Variants in SEC31A observed in about 807,000 individuals in gnomAD.
The protein encoded by SEC31A is SEC31 homolog A, COPII component.
SEC31A carries 70 observed loss-of-function variants against 151.0 expected under a neutral mutation model. The observed-to-expected ratio is 0.46, with a 90% confidence interval of 0.38 to 0.57. The LOEUF is 0.57. SEC31A is among the 20% of genes least tolerant of loss of function. The pLI is 0.00. For synonymous variants in SEC31A, 475 were observed against 505.9 expected (o/e 0.94, Z 0.82); for missense variants, 1,330 against 1,471.2 (o/e 0.90, Z 1.57).
Position 82,819,235 on chromosome 4 carries a change from T to G in SEC31A, c.3502A>C (p.Ser1168Arg). Residue 1168 changes from serine to arginine, a missense_variant, in exon 27 of 27, where the codon AGT becomes CGT. Transcript: ENST00000395310. ...REQTLSPTIT[S>R]GLHNIARSIE... is the part of the protein sequence containing the mutation. Reference sequence around the variant, plus strand: ...CTCCTTGCAATGTTGTGTAAACCACTGGTGATTGTTGGTGAAAGCTGAAAC... The same window carrying G: ...CTCCTTGCAATGTTGTGTAAACCACGGGTGATTGTTGGTGAAAGCTGAAAC... 8 of 1,577,232 alleles carry G rather than the reference T, an allele frequency of 5.1e-6. No individual in the cohort carries two copies. The highest frequency in any genetic ancestry group is 6.0e-6 in the Non-Finnish European group (7 of 1,163,528).
At chr4:82,845,428 G>A in intron 20 of SEC31A, 1 of 456,124 alleles carries the variant, frequency 2.2e-6, no homozygotes, top group Non-Finnish European at 3.8e-6. Context: ...ACATTAGTCA[G>A]GCAACTGCTT....
At chr4:82,892,700 G>A (rs1216678162), upstream of SEC31A, among the ~76,000 whole-genome samples, 1 of 151,976 alleles carries the variant, frequency 6.6e-6, no homozygotes, top group African/African-American at 2.4e-5. Context: ...GCAAAGTAAT[G>A]TAACTGGCGA....
At position 82,849,071 on chromosome 4, in the gene SEC31A, T is replaced by TC. The variant is rs1578217801; in HGVS notation, c.2329-95dup. Reference sequence around the variant, plus strand: ...CTTAATCAGATTATTCATCAAGATATCCCTTTTTGTTCATAATGCTGGGTA... The same window carrying TC: ...CTTAATCAGATTATTCATCAAGATATCCCCTTTTTGTTCATAATGCTGGGTA... On this transcript the variant is annotated intron_variant, in intron 19 of 26. Coordinates refer to ENST00000395310, the MANE Select transcript of SEC31A (RefSeq NM_001077207.4). The TC allele has an allele frequency of 3.5e-6, 4 of 1,150,566 alleles. No individual in the cohort carries two copies. In the East Asian group the frequency reaches 9.4e-5, roughly 27 times the overall value. The allele number at this position is 1,150,566 out of a possible 1,614,324, so 71.3% of individuals were successfully genotyped here.
At chr4:82,821,752 A>C (rs1366843166) in intron 25 of SEC31A, among the ~76,000 whole-genome samples, 1 of 152,106 alleles carries the variant, frequency 6.6e-6, no homozygotes, top group Non-Finnish European at 1.5e-5. Context: ...CACTATATTC[A>C]CAAGCATCAG....
intron 18 of SEC31A, among the ~76,000 whole-genome samples, chr4:82,852,078 G>C (rs1731570637): frequency 6.6e-6 from 1 of 152,132 alleles, no homozygotes; most frequent in African/African-American, 2.4e-5. Flanking sequence ...TCATGGGTCA[G>C]GTTTTTCCAG....
At chr4:82,827,728 G>T in intron 23 of SEC31A, 96 bp from the exon 24 acceptor site, 1 of 1,260,322 alleles carries the variant, frequency 7.9e-7, no homozygotes, top group Non-Finnish European at 1.1e-6. Flanking sequence ...TTATACCACG[G>T]CTAAACAAAT....
Position 82,850,710 on chromosome 4 carries a change from C to T in SEC31A, c.2328+721G>A, listed in dbSNP as rs114498814. ...TGCTCCATAACTGGGTTTGGGTTTC[C>T]CTTTGTTGGGTTCCACAGCACCAAT... On this transcript the variant is annotated intron_variant, in intron 19 of 26. Transcript: ENST00000395310. Among the ~76,000 whole-genome samples, 1,295 of 152,256 alleles carry T rather than the reference C, an allele frequency of 8.5e-3. 11 individuals carry two copies. Among genetic ancestry groups the T allele is most frequent in the South Asian group, 0.042 (203 of 4,826 alleles).
chr4:82,842,178 A>G lies in SEC31A; in HGVS notation c.2930T>C (p.Leu977Pro), dbSNP rs754676828. Residue 977 changes from leucine (L) to proline (P), a missense_variant, in exon 22 of 27, where the codon CTG becomes CCG. Transcript: ENST00000395310. The stretch of plus-strand genomic sequence containing the variant: ...CGCAGGCAGCTCACTGGCAGCAGGC[A>G]GTGTACCTGTTGTTCCAGGAGGCAG... ...YALPPGTTGT[L>P]PAASELPASQ... 2 of 1,586,876 alleles carry G rather than the reference A, an allele frequency of 1.3e-6. No homozygotes were observed. Among genetic ancestry groups the G allele is most frequent in the South Asian group, 1.2e-5 (1 of 86,626 alleles).
chr4:82,861,847 T>C, intron 13 of SEC31A, 139 bp from the exon 14 acceptor site: 1 of 488,522 alleles, frequency 2.0e-6, no homozygotes, highest in East Asian at 3.1e-5. Flanking sequence ...AGTAAATTTA[T>C]TTGAGAAATA....
At chr4:82,836,736 GT>G (rs1202434618) in intron 22 of SEC31A, among the ~76,000 whole-genome samples, 1 of 152,060 alleles carries the variant, frequency 6.6e-6, no homozygotes, top group East Asian at 1.9e-4. Context: ...TATTTAATGG[GT>G]ACAGTGTTTC....
intron 22 of SEC31A, among the ~76,000 whole-genome samples, chr4:82,837,093 A>G (rs1268712036): frequency 1.4e-5 from 2 of 147,904 alleles, no homozygotes; most frequent in African/African-American, 5.0e-5. Context: ...GCTGGTTGCA[A>G]AACAATATAA....
At chr4:82,823,629 G>A (rs1047393699) in intron 25 of SEC31A, among the ~76,000 whole-genome samples, 5 of 152,162 alleles carry the variant, frequency 3.3e-5, no homozygotes, top group African/African-American at 1.2e-4. Flanking sequence ...ACTTAAGACT[G>A]GCTTTGTGGA....
intron 3 of SEC31A, among the ~76,000 whole-genome samples, chr4:82,899,114 T>C (rs1720191069): frequency 6.6e-6 from 1 of 152,192 alleles, no homozygotes. Flanking sequence ...ACAAAGACCA[T>C]ATATTAGTTC....
chr4:82,870,093 G>C (rs1292859486), intron 8 of SEC31A, among the ~76,000 whole-genome samples: 1 of 152,136 alleles, frequency 6.6e-6, no homozygotes, highest in African/African-American at 2.4e-5. Flanking sequence ...GAAATGAGGA[G>C]GGGATGGTTA....
Position 82,857,109 on chromosome 4 carries a change from T to C in SEC31A, c.1724A>G (p.Gln575Arg). ...VSGDIDGLIT[Q>R]ALLTGNFESA... is the part of the protein sequence containing the mutation. ...CTCAAAATTGCCCGTCAGCAAAGCCTGAGTAATTAAACCATCAATGTCTGC... is the reference window on the plus strand; with the variant it reads ...CTCAAAATTGCCCGTCAGCAAAGCCCGAGTAATTAAACCATCAATGTCTGC... The change falls in exon 16 of 27, where the codon CAG becomes CGG. Residue 575 changes from glutamine to arginine, a missense_variant. Gln to Arg is a conservative substitution (Grantham distance 43). Transcript: ENST00000395310. 3 of 1,612,162 alleles carry C rather than the reference T, an allele frequency of 1.9e-6. No homozygotes were observed. The highest frequency in any genetic ancestry group is 2.5e-6 in the Non-Finnish European group (3 of 1,179,586).
intron 19 of SEC31A, among the ~76,000 whole-genome samples, chr4:82,850,072 T>A (rs1731159994): frequency 6.7e-6 from 1 of 149,256 alleles, no homozygotes; most frequent in South Asian, 2.1e-4. Flanking sequence ...GGAAACAACA[T>A]CAAAATTATG....
chr4:82,868,124 C>T (rs1735803739), intron 8 of SEC31A, among the ~76,000 whole-genome samples: 1 of 152,194 alleles, frequency 6.6e-6, no homozygotes. Flanking sequence ...CACAACCTTC[C>T]TATCACTGCA....
upstream of SEC31A, chr4:82,891,327 G>T (rs977335694): frequency 1.7e-5 from 13 of 754,206 alleles, no homozygotes; most frequent in East Asian, 3.3e-4. Context: ...GGGAGGCGGG[G>T]TACGGCTCCG....
chr4:82,846,366 CATA>C (rs35831381), intron 20 of SEC31A, among the ~76,000 whole-genome samples: 2,533 of 140,528 alleles, frequency 0.018, 76 homozygotes, highest in African/African-American at 0.058. Context: ...AACTCCAAAA[CATA>C]ATAATAATAA....
Sources: allele counts gnomAD v4.1 joint callset (sites outside exome capture counted in the v4.1 genomes callset), GRCh38; gene constraint gnomAD v4.1.1; transcripts MANE v1.5; gene names NCBI Gene and HGNC (gene_info 2026-07-23, HGNC 2026-07-21).